The following PCSK5 variants were observed in gnomAD, a reference collection of about 807,000 sequenced individuals.
The protein encoded by PCSK5 is proprotein convertase subtilisin/kexin type 5.
In PCSK5, 129 loss-of-function variants were observed where a neutral mutation model predicts 233.2. That is an observed-to-expected ratio of 0.55 (90% CI 0.48 to 0.64). PCSK5 has a LOEUF of 0.64. Ranked by LOEUF, PCSK5 falls within the 30% of genes least tolerant of loss-of-function variation. PCSK5 has a pLI of 0.00. For missense variants in PCSK5, 2,076 were observed against 2,430.1 expected (o/e 0.85, Z 3.06); for synonymous variants, 825 against 879.2 (o/e 0.94, Z 1.09).
chr9:76,299,742 ACTCAAGCATCACACAAC>A (rs141048203), intron 27 of PCSK5, among the ~76,000 whole-genome samples: 11,645 of 152,214 alleles, frequency 0.077, 496 homozygotes, highest in African/African-American at 0.11. Context: ...TTCAGCAGTG[ACTCAAGCATCACACAAC>A]CTTGGTGGAA....
At chr9:76,246,595 CA>C (rs1361479068) in intron 24 of PCSK5, among the ~76,000 whole-genome samples, 3 of 152,164 alleles carry the variant, frequency 2.0e-5, no homozygotes, top group Non-Finnish European at 4.4e-5. Context: ...TGGTGACATA[CA>C]TCCTCAGATT....
At position 76,224,880 on chromosome 9, in the gene PCSK5, G is replaced by A. The variant is rs139490369; in HGVS notation, c.2627-2623G>A. ...CTTAATAACCCTCGACTAACCTAAC[G>A]ATGCCTCATCTGTATGATAAAGACT... is the stretch of plus-strand genomic sequence containing the variant. On this transcript the variant is annotated intron_variant, in intron 20 of 37. Transcript: ENST00000674117. 5.5e-3 allele frequency among the ~76,000 whole-genome samples: 841 copies of A among 152,268 alleles called. 8 individuals are homozygous for A. Among genetic ancestry groups the A allele is most frequent in the Non-Finnish European group, 7.1e-3 (486 of 68,024 alleles).
intron 2 of PCSK5, among the ~76,000 whole-genome samples, chr9:75,937,073 A>G (rs1179712976): frequency 1.3e-5 from 2 of 152,146 alleles, no homozygotes; most frequent in Non-Finnish European, 2.9e-5. Context: ...ATAGGTCTCA[A>G]CAGTTGGCTT....
rs73464428 is a variant in PCSK5, at chr9:75,899,046, A to G, written c.192+7673A>G. Among the ~76,000 whole-genome samples the G allele has an allele frequency of 9.5e-3, 1,450 of 152,318 alleles. 13 individuals carry two copies. Among genetic ancestry groups the G allele is most frequent in the African/African-American group, 0.023 (973 of 41,568 alleles). On this transcript the variant is annotated intron_variant, in intron 1 of 37. Transcript: ENST00000674117. Reference sequence around the variant, plus strand: ...TTGGCAATGATTATTGGTAATGGAAACAGGAGCCATGACAATGGAAAGATT... The same window carrying G: ...TTGGCAATGATTATTGGTAATGGAAGCAGGAGCCATGACAATGGAAAGATT...
In PCSK5 at chr9:76,184,621, T is replaced by C. The variant is rs370720657; in HGVS notation, c.2198-52T>C. ...AAGCATTAGAACATCTCTGATGCTT[T>C]TATGGAATCCAATTGACCAACTGAT... On this transcript the variant is annotated intron_variant, in intron 16 of 37. Transcript: ENST00000674117. 132 of 1,199,352 alleles carry C rather than the reference T, an allele frequency of 1.1e-4. 5 individuals are homozygous for C. The African/African-American group carries it at 1.7e-3, about 16-fold the overall frequency. 74.3% of individuals were successfully genotyped at this position (1,199,352 alleles called of 1,614,324 possible).
chr9:76,295,246 A>C (rs1828400431), intron 25 of PCSK5, 29 bp from the exon 26 acceptor site: 2 of 1,591,516 alleles, frequency 1.3e-6, no homozygotes, highest in South Asian at 1.1e-5. Context: ...AACATAAGTC[A>C]TGAAAGAAAT....
intron 1 of PCSK5, among the ~76,000 whole-genome samples, chr9:75,924,348 A>G (rs887471380): frequency 3.9e-5 from 6 of 152,228 alleles, no homozygotes; most frequent in African/African-American, 7.2e-5. Context: ...TTGACTTGAA[A>G]CTAAAGTCTA....
chr9:76,219,858 C>T (rs1050377202), intron 20 of PCSK5, among the ~76,000 whole-genome samples: 6 of 152,178 alleles, frequency 3.9e-5, no homozygotes, highest in Admixed American at 1.3e-4. Flanking sequence ...ATAAGTTATT[C>T]TGTCAAATTA....
chr9:76,333,969 T>G (rs906191347), intron 34 of PCSK5, among the ~76,000 whole-genome samples: 7 of 152,208 alleles, frequency 4.6e-5, no homozygotes, highest in Admixed American at 6.5e-5. Context: ...ACCCAAAGAC[T>G]GGGCAATTTA....
intron 7 of PCSK5, among the ~76,000 whole-genome samples, chr9:76,084,829 T>C (rs1830997101): frequency 6.6e-6 from 1 of 152,102 alleles, no homozygotes; most frequent in African/African-American, 2.4e-5. Flanking sequence ...TGGAACTCAG[T>C]TGATAATATC....
intron 1 of PCSK5, among the ~76,000 whole-genome samples, chr9:75,896,824 G>A (rs1286639454): frequency 1.3e-5 from 2 of 152,086 alleles, no homozygotes; most frequent in Non-Finnish European, 2.9e-5. Context: ...CCAGAATAAA[G>A]TTTGCACATA....
At chr9:76,237,100 G>C (rs13293459) in intron 22 of PCSK5, among the ~76,000 whole-genome samples, 20,528 of 152,094 alleles carry the variant, frequency 0.13, 1,502 homozygotes, top group African/African-American at 0.18. Context: ...ATTTTTTTCT[G>C]AATGAGTCAT....
At chr9:75,908,893 A>ATCTATCTATCTG (rs1822541121) in intron 1 of PCSK5, among the ~76,000 whole-genome samples, 1 of 125,664 alleles carries the variant, frequency 8.0e-6, no homozygotes, top group Non-Finnish European at 1.7e-5. Flanking sequence ...CTATCTATCT[A>ATCTATCTATCTG]TCTATCTATC....
At chr9:75,991,581 T>C (rs1826769234) in intron 3 of PCSK5, among the ~76,000 whole-genome samples, 1 of 152,210 alleles carries the variant, frequency 6.6e-6, no homozygotes, top group East Asian at 1.9e-4. Flanking sequence ...ATTTTCACTT[T>C]ACCTTCGCTG....
rs35477769 is a variant in PCSK5 at position 76,192,456 on chromosome 9, G to A, written c.2626+2710G>A. Among the ~76,000 whole-genome samples the A allele has an allele frequency of 4.4e-3, 664 of 152,138 alleles. 4 individuals carry two copies. The highest frequency in any genetic ancestry group is 6.8e-3 in the Non-Finnish European group (463 of 67,982). On this transcript the variant is annotated intron_variant, in intron 20 of 37. Coordinates refer to ENST00000674117, the MANE Select transcript of PCSK5 (RefSeq NM_001372043.1). ...TATATTTTTTACATTTTATCATCTC[G>A]GAAATCAGATGCATCTTATAATTTG...
chr9:76,273,564 A>AATATATATATATATATATATATATATAT lies in PCSK5; in HGVS notation c.3143-18658_3143-18657insTATATATATATATATATATATATATATA, dbSNP rs1336491411. On this transcript the variant is annotated intron_variant, in intron 24 of 37. Transcript: ENST00000674117. ...TCTTCTTATAGATTAACAAAATAGT[A>AATATATATATATATATATATATATATAT]ATATATATATACATATATATATATA... 1.8e-3 allele frequency among the ~76,000 whole-genome samples: 134 copies of AATATATATATATATATATATATATATAT among 74,692 alleles called. 3 individuals are homozygous for AATATATATATATATATATATATATATAT. The highest frequency in any genetic ancestry group is 7.2e-3 in the Middle Eastern group (1 of 138). The allele number at this position is 74,692 out of a possible 152,430, so 49.0% of individuals were successfully genotyped here. A position where few individuals can be genotyped will look rare whatever the true frequency, so the allele number is the denominator to read the frequency against.
At chr9:76,220,637 A>C (rs1484915002) in intron 20 of PCSK5, among the ~76,000 whole-genome samples, 2 of 152,136 alleles carry the variant, frequency 1.3e-5, no homozygotes, top group African/African-American at 4.8e-5. Context: ...CTTAAAAAAA[A>C]AAAATTGACA....
At chr9:76,025,568 AC>A (rs1828387609) in intron 4 of PCSK5, among the ~76,000 whole-genome samples, 1 of 151,970 alleles carries the variant, frequency 6.6e-6, no homozygotes, top group Non-Finnish European at 1.5e-5. Context: ...TCACCATTTT[AC>A]CCCGCATCTG....
At chr9:75,987,911 C>A (rs902962579) in intron 3 of PCSK5, among the ~76,000 whole-genome samples, 2 of 152,072 alleles carry the variant, frequency 1.3e-5, no homozygotes, top group African/African-American at 4.8e-5. Flanking sequence ...TAGGAAAGAG[C>A]CAAATTGCTG....
Sources: gnomAD v4.1 joint callset for allele counts (sites outside exome capture counted in the v4.1 genomes callset) on GRCh38, gnomAD v4.1.1 for gene constraint, MANE v1.5 for transcripts, NCBI Gene and HGNC (gene_info 2026-07-23, HGNC 2026-07-21) for gene names.